The following UBL7 variants were observed in gnomAD, a reference collection of about 807,000 sequenced individuals.
UBL7 encodes the protein ubiquitin-like protein 7.
A neutral mutation model predicts 41.7 loss-of-function variants in UBL7; 21 were observed. The ratio of observed to expected loss-of-function variants is 0.50; its 90% CI spans 0.36 to 0.73. UBL7 has a LOEUF of 0.73. Among genes scored for constraint, UBL7 ranks in the 30% least tolerant of loss-of-function variants. The pLI is 0.00. For synonymous variants in UBL7, 157 were observed against 186.9 expected (o/e 0.84, Z 1.31); for missense variants, 403 against 478.4 (o/e 0.84, Z 1.47).
intron 2 of UBL7, among the ~76,000 whole-genome samples, chr15:74,457,893 T>C (rs779231710): frequency 7.9e-5 from 12 of 152,180 alleles, no homozygotes; most frequent in Non-Finnish European, 1.5e-4. Context: ...TTCTTGCCAG[T>C]TGGATCCTTT....
At position 74,449,689 on chromosome 15, in the gene UBL7, A is replaced by C. The variant is rs2061222957; in HGVS notation, c.665-14T>G. On this transcript the variant is annotated splice_polypyrimidine_tract_variant and intron_variant, in intron 7 of 10. Transcript: ENST00000395081. ...ACAGGAAGCCACCTGGAGGAGGACG[A>C]ACAGATTTCAGGAGGAAGAACAGAA... 6.2e-7 allele frequency: 1 copy of C among 1,614,152 alleles called. No homozygotes were observed.
chr15:74,450,585 C>T (rs1409854746), intron 6 of UBL7, among the ~76,000 whole-genome samples: 2 of 152,218 alleles, frequency 1.3e-5, no homozygotes. Flanking sequence ...GCCTGGCAGA[C>T]AAGACCCTTT....
intron 1 of UBL7, 95 bp from the exon 2 acceptor site, chr15:74,458,991 G>T (rs981390877): frequency 1.6e-6 from 2 of 1,237,644 alleles, no homozygotes; most frequent in Non-Finnish European, 2.3e-6. Context: ...AATTCAATGT[G>T]ACACTGTTGA....
chr15:74,459,363 C>T (rs2061325292), intron 1 of UBL7, among the ~76,000 whole-genome samples: 1 of 150,714 alleles, frequency 6.6e-6, no homozygotes, highest in Non-Finnish European at 1.5e-5. Flanking sequence ...TGCAGCGGCG[C>T]GATCTCGGCT....
intron 3 of UBL7, among the ~76,000 whole-genome samples, chr15:74,456,128 GAA>G (rs553827153): frequency 1.1e-3 from 101 of 93,486 alleles, no homozygotes; most frequent in Middle Eastern, 0.013. Context: ...CTCCGTCTCA[GAA>G]AAAAAAAAAA....
chr15:74,448,332 A>C, intron 10 of UBL7, 146 bp downstream of exon 10: 1 of 1,318,832 alleles, frequency 7.6e-7, no homozygotes, highest in Non-Finnish European at 1.0e-6. Flanking sequence ...TGCTAGGAAC[A>C]CTCTGCACCT....
intron 1 of UBL7, chr15:74,460,784 A>G (rs184733066): frequency 6.3e-6 from 8 of 1,268,900 alleles, no homozygotes; most frequent in Non-Finnish European, 8.1e-6. Context: ...GACCTCTGAT[A>G]GAGAAGAGGA....
intron 1 of UBL7, chr15:74,459,155 GATC>G (rs1338382119): frequency 2.5e-6 from 1 of 399,466 alleles, no homozygotes; most frequent in Non-Finnish European, 4.6e-6. Context: ...TTGTGAGAGA[GATC>G]ATCTAACCCT....
At position 74,452,342 on chromosome 15, in the gene UBL7, C is replaced by T. The variant is rs749570682; in HGVS notation, c.341G>A (p.Arg114Gln). ...GCTGTGCAGGGCAGTGTGCAACACC[C>T]GGAACTCTCTCATGGCAGCCACTTT... Reference protein sequence around the residue: ...VDKVAAMREFRVLHTALHSSS... With the variant: ...VDKVAAMREFQVLHTALHSSS... Residue 114 changes from arginine to glutamine, a missense_variant, in exon 4 of 11, where the codon CGG (arginine) becomes CAG (glutamine). By Grantham distance (43) the Arg-to-Gln change is conservative. Transcript: ENST00000395081. 1.9e-6 allele frequency: 3 copies of T among 1,561,674 alleles called. No individual in the cohort carries two copies. Among genetic ancestry groups the T allele is most frequent in the Non-Finnish European group, 2.6e-6 (3 of 1,151,762 alleles).
intron 1 of UBL7, among the ~76,000 whole-genome samples, chr15:74,460,223 C>G (rs2061336010): frequency 1.3e-5 from 2 of 152,208 alleles, no homozygotes; most frequent in African/African-American, 4.8e-5. Flanking sequence ...GCTTGGGCGA[C>G]AGAGACTCCG....
chr15:74,448,252 G>T (rs2061204855), intron 10 of UBL7, among the ~76,000 whole-genome samples: 1 of 152,182 alleles, frequency 6.6e-6, no homozygotes. Context: ...GTGGTCTAGG[G>T]AGTCAGGCCA....
chr15:74,458,465 C>T (rs747146397), intron 2 of UBL7, among the ~76,000 whole-genome samples: 3 of 152,146 alleles, frequency 2.0e-5, no homozygotes, highest in Non-Finnish European at 2.9e-5. Context: ...TCATAAAGAA[C>T]CTGGTGATAA....
chr15:74,449,540 G>C, intron 8 of UBL7, 86 bp downstream of exon 8: 2 of 1,602,154 alleles, frequency 1.2e-6, no homozygotes, highest in Non-Finnish European at 1.7e-6. Context: ...CCCAGCCTTG[G>C]GAGTGCCAGG....
chr15:74,456,282 C>A (rs2061293605), intron 3 of UBL7, among the ~76,000 whole-genome samples: 1 of 151,998 alleles, frequency 6.6e-6, no homozygotes, highest in Non-Finnish European at 1.5e-5. Flanking sequence ...CCAGCCTGGG[C>A]AACAGAGTGA....
intron 10 of UBL7, among the ~76,000 whole-genome samples, chr15:74,447,093 G>A (rs879458657): frequency 1.3e-5 from 2 of 152,220 alleles, no homozygotes; most frequent in Non-Finnish European, 2.9e-5. Flanking sequence ...AGGGAATAAA[G>A]TAAACAGGCA....
intron 3 of UBL7, among the ~76,000 whole-genome samples, chr15:74,453,671 GTGACGT>G (rs2061270359): frequency 6.6e-6 from 1 of 152,214 alleles, no homozygotes; most frequent in African/African-American, 2.4e-5. Flanking sequence ...GCAGGTTAAG[GTGACGT>G]CCTGAAGGGA....
In UBL7 at chr15:74,455,406, C is replaced by T. The variant is rs997622854; in HGVS notation, c.304+1146G>A. On this transcript the variant is annotated intron_variant, in intron 3 of 10. Coordinates refer to ENST00000395081, the MANE Select transcript of UBL7 (RefSeq NM_032907.5). ...CATCTGAGGCTTTGTATATTTTCTCCAAGAGCTATTTAAATACTCTTTGAA... is the reference window on the plus strand; with the variant it reads ...CATCTGAGGCTTTGTATATTTTCTCTAAGAGCTATTTAAATACTCTTTGAA... 5.3e-5 allele frequency among the ~76,000 whole-genome samples: 8 copies of T among 152,150 alleles called. No individual in the cohort carries two copies. The South Asian group carries it at 1.2e-3, about 24-fold the overall frequency.
In UBL7 at chr15:74,449,379, A is replaced by G. The variant is rs376954763; in HGVS notation, c.715-26T>C. 9.3e-6 allele frequency: 15 copies of G among 1,613,206 alleles called. No homozygotes were observed. In the African/African-American group the frequency reaches 1.9e-4, roughly 20 times the overall value. ...CTGGAGAAAGAAGACACTCAGAATC[A>G]GGGAAGCAGTACTGTGAAACTCCCA... is the stretch of plus-strand genomic sequence containing the variant. On this transcript the variant is annotated intron_variant, in intron 8 of 10. Transcript: ENST00000395081.
chr15:74,457,999 C>G (rs993518756), intron 2 of UBL7, among the ~76,000 whole-genome samples: 4 of 152,142 alleles, frequency 2.6e-5, no homozygotes, highest in African/African-American at 9.7e-5. Flanking sequence ...TTTTTTACTG[C>G]CTTTCCTTTA....
Sources: allele counts gnomAD v4.1 joint callset (sites outside exome capture counted in the v4.1 genomes callset), GRCh38; gene constraint gnomAD v4.1.1; transcripts MANE v1.5; gene names NCBI Gene and HGNC (gene_info 2026-07-23, HGNC 2026-07-21).